Variants in IQCM observed in about 807,000 individuals in gnomAD.
The protein encoded by IQCM is IQ domain-containing protein M.
A neutral mutation model predicts 57.6 loss-of-function variants in IQCM; 45 were observed. The observed-to-expected ratio is 0.78, with a 90% CI of 0.62 to 1.00. The LOEUF is 1.00. IQCM is among the 50% of genes least tolerant of loss of function. The pLI is 0.00. For synonymous variants in IQCM, 148 were observed against 158.9 expected (o/e 0.93, Z 0.51); for missense variants, 468 against 511.6 (o/e 0.91, Z 0.82).
At chr4:149,368,857 TATATATATACATATA>T (rs1730082655) in intron 13 of IQCM, among the ~76,000 whole-genome samples, 1 of 97,818 alleles carries the variant, frequency 1.0e-5, no homozygotes, top group Non-Finnish European at 2.1e-5. Flanking sequence ...TATATACATG[TATATATATACATATA>T]TACACGTGTA....
intron 12 of IQCM, among the ~76,000 whole-genome samples, chr4:149,454,207 TACAC>T (rs1258071478): frequency 1.4e-5 from 2 of 145,696 alleles, no homozygotes; most frequent in Admixed American, 1.4e-4. Context: ...TATAAACACA[TACAC>T]ACACAATTAC....
chr4:149,451,665 C>T (rs968930548), intron 12 of IQCM, among the ~76,000 whole-genome samples: 4 of 151,776 alleles, frequency 2.6e-5, no homozygotes, highest in African/African-American at 9.6e-5. Flanking sequence ...TGAATAGATG[C>T]AGAAAAAGTA....
intron 13 of IQCM, among the ~76,000 whole-genome samples, chr4:149,359,820 T>C (rs1308039063): frequency 6.6e-6 from 1 of 152,196 alleles, no homozygotes; most frequent in Non-Finnish European, 1.5e-5. Flanking sequence ...ACTTTAAAAT[T>C]AATCTTTGTA....
At chr4:149,683,417 A>G (rs1235027404) in intron 6 of IQCM, among the ~76,000 whole-genome samples, 1 of 151,306 alleles carries the variant, frequency 6.6e-6, no homozygotes, top group African/African-American at 2.4e-5. Context: ...TCAGAGATTC[A>G]CATTTGGCAC....
At chr4:149,442,953 CAGAGAGAGAG>C (rs56890715) in intron 12 of IQCM, among the ~76,000 whole-genome samples, 8,483 of 97,836 alleles carry the variant, frequency 0.087, 400 homozygotes, top group South Asian at 0.18. Flanking sequence ...CACACACACA[CAGAGAGAGAG>C]AGAGAGAGAG....
At chr4:149,548,000 G>A (rs1748631918) in intron 12 of IQCM, among the ~76,000 whole-genome samples, 1 of 151,972 alleles carries the variant, frequency 6.6e-6, no homozygotes, top group African/African-American at 2.4e-5. Context: ...GAAAAGAAAT[G>A]ATTTTCTGTG....
intron 5 of IQCM, among the ~76,000 whole-genome samples, chr4:149,719,589 A>G (rs1403854997): frequency 6.6e-6 from 1 of 152,182 alleles, no homozygotes; most frequent in South Asian, 2.1e-4. Flanking sequence ...ATCTTCAGCA[A>G]TGCTTGATTC....
intron 2 of IQCM, among the ~76,000 whole-genome samples, chr4:149,794,672 G>A (rs1035341610): frequency 1.7e-4 from 26 of 152,024 alleles, no homozygotes; most frequent in African/African-American, 5.8e-4. Flanking sequence ...TTGTGGTGGT[G>A]GAGTGATTAG....
chr4:149,354,363 C>CAAAAAAAAAA (rs70965178), intron 13 of IQCM, among the ~76,000 whole-genome samples: 1,973 of 19,468 alleles, frequency 0.1, 353 homozygotes, highest in Admixed American at 0.13. Flanking sequence ...GACTCCGTCT[C>CAAAAAAAAAA]AAAAAAAAAA....
At position 149,444,281 on chromosome 4, in the gene IQCM, T is replaced by C. The variant is rs534555430; in HGVS notation, c.1229-10724A>G. On this transcript the variant is annotated intron_variant, in intron 12 of 13. Coordinates refer to ENST00000636793, the MANE Select transcript of IQCM (RefSeq NM_001363507.2). ...TAAATAGCACACTTTTTCTATAATA[T>C]ATAAATTTGTCAGTTTAAGCTGATT... 4.1e-4 allele frequency among the ~76,000 whole-genome samples: 62 copies of C among 152,056 alleles called. 1 individual carries two copies. The highest frequency in any genetic ancestry group is 1.3e-3 in the African/African-American group (53 of 41,556).
At chr4:149,760,530 T>A (rs1449194552) in intron 2 of IQCM, among the ~76,000 whole-genome samples, 2 of 152,094 alleles carry the variant, frequency 1.3e-5, no homozygotes, top group Non-Finnish European at 2.9e-5. Flanking sequence ...CAGAGAAGGA[T>A]CCCTAATCCA....
At chr4:149,434,560 T>C (rs1433602589) in intron 12 of IQCM, among the ~76,000 whole-genome samples, 1 of 152,066 alleles carries the variant, frequency 6.6e-6, no homozygotes, top group Non-Finnish European at 1.5e-5. Context: ...TCCTTTATTT[T>C]GTTACATGTC....
intron 2 of IQCM, among the ~76,000 whole-genome samples, chr4:149,811,211 C>CA (rs2150067917): frequency 6.6e-6 from 1 of 152,240 alleles, no homozygotes; most frequent in South Asian, 2.1e-4. Context: ...TGCCATGTAC[C>CA]AAAAGCACAT....
chr4:149,371,579 G>T (rs1730370056), intron 13 of IQCM, among the ~76,000 whole-genome samples: 1 of 152,002 alleles, frequency 6.6e-6, no homozygotes, highest in Non-Finnish European at 1.5e-5. Context: ...GATTGTGTTG[G>T]TATCACTAGC....
At chr4:149,392,808 T>A (rs1731959957) in intron 13 of IQCM, among the ~76,000 whole-genome samples, 1 of 151,978 alleles carries the variant, frequency 6.6e-6, no homozygotes, top group African/African-American at 2.4e-5. Context: ...CTCAAGAACT[T>A]CAAATTTTAA....
At chr4:149,427,781 C>T (rs1454443941) in intron 13 of IQCM, among the ~76,000 whole-genome samples, 1 of 151,912 alleles carries the variant, frequency 6.6e-6, no homozygotes, top group Non-Finnish European at 1.5e-5. Context: ...CATTCACATC[C>T]ATTTGCAACT....
At position 149,531,204 on chromosome 4, in the gene IQCM, CTT is replaced by C. The variant is rs1213680983; in HGVS notation, c.1228+17249_1228+17250del. ...TATGAAGAACTATTTGATTCATTCT[CTT>C]TGTTATATGCGTAAACTCATCCCTT... On this transcript the variant is annotated intron_variant, in intron 12 of 13. Transcript: ENST00000636793. 2.0e-5 allele frequency among the ~76,000 whole-genome samples: 3 copies of C among 152,100 alleles called. No individual in the cohort carries two copies. In the South Asian group the frequency reaches 6.2e-4, roughly 31 times the overall value.
intron 12 of IQCM, among the ~76,000 whole-genome samples, chr4:149,466,318 C>T (rs6535685): frequency 0.99 from 150,817 of 151,988 alleles, 74,844 homozygotes; most frequent in East Asian, 1. Flanking sequence ...CTAACAATAA[C>T]AATAATAATG....
chr4:149,511,676 T>C (rs1161361559), intron 12 of IQCM, among the ~76,000 whole-genome samples: 1 of 152,174 alleles, frequency 6.6e-6, no homozygotes, highest in Non-Finnish European at 1.5e-5. Context: ...ATAGACCTTA[T>C]TATTGTGTGT....
Sources: allele counts gnomAD v4.1 joint callset (sites outside exome capture counted in the v4.1 genomes callset), GRCh38; gene constraint gnomAD v4.1.1; transcripts MANE v1.5; gene names NCBI Gene and HGNC (gene_info 2026-07-23, HGNC 2026-07-21).